The following DENND1A variants were observed in gnomAD, a reference collection of about 807,000 sequenced individuals.
DENND1A encodes the protein DENN domain containing 1A.
A neutral mutation model predicts 113.7 loss-of-function variants in DENND1A; 51 were observed. The ratio of observed to expected loss-of-function variants is 0.45; its 90% CI spans 0.36 to 0.57. DENND1A has a LOEUF of 0.57. DENND1A is among the 20% of genes least tolerant of loss of function. DENND1A has a pLI of 0.00. For synonymous variants in DENND1A, 565 were observed against 570.8 expected (o/e 0.99, Z 0.14); for missense variants, 1,258 against 1,395.9 (o/e 0.90, Z 1.57).
chr9:123,716,833 G>A (rs530070269), intron 5 of DENND1A, among the ~76,000 whole-genome samples: 3 of 152,232 alleles, frequency 2.0e-5, no homozygotes, highest in African/African-American at 4.8e-5. Flanking sequence ...CATGCTTGAC[G>A]GGGCAGAGGC....
intron 2 of DENND1A, among the ~76,000 whole-genome samples, chr9:123,813,190 T>C (rs1836909903): frequency 6.6e-6 from 1 of 152,166 alleles, no homozygotes; most frequent in African/African-American, 2.4e-5. Context: ...CTCGAACTCC[T>C]GAACTCAAGC....
At chr9:123,485,723 C>G (rs979607761) in intron 13 of DENND1A, 6 of 152,078 alleles carry the variant, frequency 3.9e-5, no homozygotes, top group African/African-American at 1.2e-4. Flanking sequence ...GGGAAAGAAG[C>G]CTGAGCATCC....
chr9:123,529,864 T>C (rs2055152885), intron 13 of DENND1A, among the ~76,000 whole-genome samples: 1 of 152,234 alleles, frequency 6.6e-6, no homozygotes, highest in Non-Finnish European at 1.5e-5. Flanking sequence ...ACAGGTCAGG[T>C]GTTAGGCAGA....
Position 123,391,761 on chromosome 9 carries a change from G to GGA in DENND1A, c.1632-3904_1632-3903insTC, listed in dbSNP as rs370434845. On this transcript the variant is annotated intron_variant, in intron 21 of 23. Transcript: ENST00000394215. ...TTTTTATTAGCTTAAGGCAGAATATGAAAAAAAAAAAAAAAAAAAGCACCT... is the reference window on the plus strand; with the variant it reads ...TTTTTATTAGCTTAAGGCAGAATATGGAAAAAAAAAAAAAAAAAAAAGCACCT... Among the ~76,000 whole-genome samples, 9 of 110,380 alleles carry GGA rather than the reference G, an allele frequency of 8.2e-5. 1 individual carries two copies. The South Asian group carries it at 9.2e-4, about 11-fold the overall frequency. The allele number at this position is 110,380 out of a possible 152,430, so 72.4% of individuals were successfully genotyped here.
At chr9:123,586,004 C>T (rs759296644) in intron 11 of DENND1A, among the ~76,000 whole-genome samples, 5 of 151,986 alleles carry the variant, frequency 3.3e-5, no homozygotes, top group African/African-American at 9.7e-5. Context: ...GGCAATGGCC[C>T]GAGGGCAAAA....
chr9:123,750,883 T>C (rs1034132242), intron 5 of DENND1A, among the ~76,000 whole-genome samples: 6 of 152,180 alleles, frequency 3.9e-5, no homozygotes, highest in African/African-American at 1.4e-4. Context: ...ATAAACAGCT[T>C]AAAACAAGAA....
intron 5 of DENND1A, among the ~76,000 whole-genome samples, chr9:123,733,131 G>A (rs1018138861): frequency 1.3e-5 from 2 of 152,012 alleles, no homozygotes; most frequent in African/African-American, 2.4e-5. Context: ...ATAGGCACAC[G>A]CCACCACACT....
rs924466259 is a variant in DENND1A at position 123,880,286 on chromosome 9, C to T, written c.18-1265G>A. On this transcript the variant is annotated intron_variant, in intron 1 of 23. Transcript: ENST00000394215. ...CCTTGGCCTCCCAAAGTGCTGGGAG[C>T]CACTGCACCCAGCCAATAGTTCATA... Among the ~76,000 whole-genome samples, 3 of 152,052 alleles carry T rather than the reference C, an allele frequency of 2.0e-5. No individual in the cohort carries two copies. In the South Asian group the frequency reaches 6.2e-4, roughly 32 times the overall value.
intron 13 of DENND1A, among the ~76,000 whole-genome samples, chr9:123,554,531 C>T (rs2057313395): frequency 6.6e-6 from 1 of 152,182 alleles, no homozygotes; most frequent in Non-Finnish European, 1.5e-5. Context: ...AAAATTAAAT[C>T]TATAGTTTAA....
intron 1 of DENND1A, among the ~76,000 whole-genome samples, chr9:123,923,647 C>A (rs1040107673): frequency 6.6e-6 from 1 of 152,192 alleles, no homozygotes; most frequent in Non-Finnish European, 1.5e-5. Flanking sequence ...GAAATGAGAT[C>A]GGTTTATCCT....
intron 2 of DENND1A, among the ~76,000 whole-genome samples, chr9:123,824,151 G>C (rs1399261454): frequency 6.6e-6 from 1 of 152,108 alleles, no homozygotes; most frequent in Non-Finnish European, 1.5e-5. Flanking sequence ...CAATGTGCTA[G>C]GTATTCACAG....
chr9:123,526,671 G>A (rs1335442315), intron 13 of DENND1A, among the ~76,000 whole-genome samples: 1 of 152,146 alleles, frequency 6.6e-6, no homozygotes, highest in Non-Finnish European at 1.5e-5. Flanking sequence ...ACCTCTCTTT[G>A]GTGGCCCTAG....
chr9:123,406,998 A>G (rs1588370135), intron 20 of DENND1A, among the ~76,000 whole-genome samples: 2 of 152,150 alleles, frequency 1.3e-5, no homozygotes, highest in Non-Finnish European at 2.9e-5. Flanking sequence ...CAACGTGGTG[A>G]AACATGGGGA....
At chr9:123,761,722 A>C (rs1250173577) in intron 4 of DENND1A, among the ~76,000 whole-genome samples, 4 of 152,158 alleles carry the variant, frequency 2.6e-5, no homozygotes. Flanking sequence ...TCCTTGGACA[A>C]TTTCCAATAA....
At chr9:123,497,832 GA>G (rs1490487042) in intron 13 of DENND1A, among the ~76,000 whole-genome samples, 1 of 111,154 alleles carries the variant, frequency 9.0e-6, no homozygotes. Context: ...AAAAAAAAAA[GA>G]AAAAATCTAT....
intron 13 of DENND1A, among the ~76,000 whole-genome samples, chr9:123,531,805 TAAGA>T (rs1288124992): frequency 5.3e-5 from 8 of 152,158 alleles, no homozygotes; most frequent in South Asian, 2.1e-4. Context: ...AGCAAATGGT[TAAGA>T]AATATATAAA....
chr9:123,775,829 T>C (rs925630193), intron 3 of DENND1A, among the ~76,000 whole-genome samples: 1 of 152,182 alleles, frequency 6.6e-6, no homozygotes, highest in Non-Finnish European at 1.5e-5. Flanking sequence ...CTCACTCCTT[T>C]TACAACACAC....
rs1185053330 is a variant in DENND1A, at chr9:123,524,315, T to C, written c.993+33255A>G. Among the ~76,000 whole-genome samples, 3 of 152,128 alleles carry C rather than the reference T, an allele frequency of 2.0e-5. No individual in the cohort carries two copies. In the East Asian group the frequency reaches 5.8e-4, roughly 29 times the overall value. ...CAACAATATGCTTCAGCAAACACAA[T>C]AAAAGGATTCAAAACCTCTTTCAAT... On this transcript the variant is annotated intron_variant, in intron 13 of 23. Transcript: ENST00000394215.
At chr9:123,683,085 T>C (rs1188584139) in intron 5 of DENND1A, among the ~76,000 whole-genome samples, 1 of 152,232 alleles carries the variant, frequency 6.6e-6, no homozygotes. Context: ...TCTGTCTGTA[T>C]CTCAGCCAAA....
Sources: gnomAD v4.1 joint callset for allele counts (sites outside exome capture counted in the v4.1 genomes callset) on GRCh38, gnomAD v4.1.1 for gene constraint, MANE v1.5 for transcripts, NCBI Gene and HGNC (gene_info 2026-07-23, HGNC 2026-07-21) for gene names.